Variants in ERLIN1 observed in about 807,000 individuals in gnomAD.
The protein encoded by ERLIN1 is erlin-1.
Under a neutral mutation model 46.9 loss-of-function variants are expected in ERLIN1, and 24 were observed. That is an observed-to-expected ratio of 0.51 (90% CI 0.37 to 0.72). The LOEUF (loss-of-function observed/expected upper bound fraction) is 0.72, where lower values mean the gene tolerates loss of function less well. ERLIN1 is among the 30% of genes least tolerant of loss of function. ERLIN1 has a pLI of 0.00. For synonymous variants in ERLIN1, 158 were observed against 143.2 expected (o/e 1.10, Z -0.74); for missense variants, 293 against 417.9 (o/e 0.70, Z 2.61).
chr10:100,165,467 A>G (rs1265181479), intron 7 of ERLIN1, among the ~76,000 whole-genome samples: 1 of 150,988 alleles, frequency 6.6e-6, no homozygotes, highest in Admixed American at 6.6e-5. Context: ...ACTCACTGCA[A>G]GCTTCGCCTC....
chr10:100,179,366 T>C (rs1316206054), intron 2 of ERLIN1, 119 bp from the exon 3 acceptor site: 1 of 616,566 alleles, frequency 1.6e-6, no homozygotes, highest in Non-Finnish European at 2.9e-6. Flanking sequence ...TCCATCACAA[T>C]TTCAGTTCCC....
At position 100,179,232 on chromosome 10, in the gene ERLIN1, C is replaced by T. The variant is rs1223857004; in HGVS notation, c.211G>A (p.Asp71Asn). 2 of 1,596,118 alleles carry T rather than the reference C, an allele frequency of 1.3e-6. No homozygotes were observed. The stretch of plus-strand genomic sequence containing the variant: ...CCACAAGGCACATTTTTAACTTCAT[C>T]AGTTTGTAGTGTTGTCTAGGGAGGA... Reference protein sequence around the residue: ...FRSVQTTLQTDEVKNVPCGTS... With the variant: ...FRSVQTTLQTNEVKNVPCGTS... Residue 71 changes from aspartate (D) to asparagine (N), a missense_variant, in exon 3 of 11, where the codon GAT (aspartate) becomes AAT (asparagine). This residue lies in a region of ERLIN1 where 148 missense variants were observed against 266.5 expected (regional missense o/e 0.56). Coordinates refer to ENST00000421367, the MANE Select transcript of ERLIN1 (RefSeq NM_006459.4).
At chr10:100,163,022 G>A (rs1319796404) in intron 8 of ERLIN1, among the ~76,000 whole-genome samples, 3 of 151,946 alleles carry the variant, frequency 2.0e-5, no homozygotes, top group African/African-American at 7.2e-5. Context: ...AACTAGGCCC[G>A]CTCATAGAAC....
At chr10:100,179,916 C>A (rs1287331831) in intron 2 of ERLIN1, among the ~76,000 whole-genome samples, 2 of 152,182 alleles carry the variant, frequency 1.3e-5, no homozygotes, top group Non-Finnish European at 2.9e-5. Context: ...AACTTGCACT[C>A]TGAACTTTGA....
intron 7 of ERLIN1, among the ~76,000 whole-genome samples, chr10:100,167,025 C>A (rs1222340036): frequency 6.6e-6 from 1 of 152,196 alleles, no homozygotes; most frequent in African/African-American, 2.4e-5. Context: ...GGCTTCAGGA[C>A]TCTTTCCTCT....
rs138348327 is a variant in ERLIN1, at chr10:100,158,081, A to C, written c.656-1847T>G. Among the ~76,000 whole-genome samples, 10 of 152,284 alleles carry C rather than the reference A, an allele frequency of 6.6e-5. No individual in the cohort carries two copies. In the East Asian group the frequency reaches 1.9e-3, roughly 29 times the overall value. On this transcript the variant is annotated intron_variant, in intron 8 of 10. Transcript: ENST00000421367. ...TCCCTGGGGTGGTTATTAGACAAGA[A>C]GGGAGTGGGACCTGGGTTTTTACCC...
rs1464967316 is a variant in ERLIN1 at position 100,185,997 on chromosome 10, G to C, written c.-371C>G. On this transcript the variant is annotated 5_prime_UTR_variant, in exon 1 of 11. Coordinates refer to ENST00000421367, the MANE Select transcript of ERLIN1 (RefSeq NM_006459.4). ...CGCATCGCCCCCGCCCGCACGTGCA[G>C]CCGACTCCCGCGCCGAGCCAACCGC... 1 of 425,410 alleles carries C rather than the reference G, an allele frequency of 2.4e-6. No individual in the cohort carries two copies. Among genetic ancestry groups the C allele is most frequent in the Non-Finnish European group, 4.1e-6 (1 of 242,514 alleles). The allele number at this position is 425,410 out of a possible 1,614,324, so 26.4% of individuals were successfully genotyped here. A position where few individuals can be genotyped will look rare whatever the true frequency, so the allele number is the denominator to read the frequency against.
intron 6 of ERLIN1, 86 bp from the exon 7 acceptor site, chr10:100,167,492 T>C (rs1843711175): frequency 3.8e-6 from 4 of 1,050,298 alleles, no homozygotes; most frequent in African/African-American, 1.6e-5. Context: ...CCTCAAATGA[T>C]ACTAATCTAA....
Position 100,178,167 on chromosome 10 carries a change from T to A in ERLIN1, c.270A>T (p.Arg90=). 6.3e-7 allele frequency: 1 copy of A among 1,578,510 alleles called. No individual in the cohort carries two copies. The highest frequency in any genetic ancestry group is 1.3e-5 in the African/African-American group (1 of 74,260). The change falls in exon 4 of 11, where the codon CGA becomes CGT. Residue 90 remains arginine (R), a synonymous_variant. Coordinates refer to ENST00000421367, the MANE Select transcript of ERLIN1 (RefSeq NM_006459.4). ...TSGGVMIYID[R]IEVVNMLAPY... ...GAGCCAACATATTAACCACTTCTAT[T>A]CGGTCAATATAGATCATGACCCCAC...
intron 6 of ERLIN1, among the ~76,000 whole-genome samples, chr10:100,170,521 G>A (rs895004978): frequency 3.9e-5 from 6 of 152,180 alleles, no homozygotes; most frequent in Non-Finnish European, 8.8e-5. Context: ...AGAAAATGAA[G>A]TAGACAAAGG....
chr10:100,172,580 C>A (rs12262005), intron 6 of ERLIN1, among the ~76,000 whole-genome samples: 10,943 of 152,176 alleles, frequency 0.072, 688 homozygotes, highest in African/African-American at 0.16. Flanking sequence ...AAAAGATGTT[C>A]AACCTCATTA....
At chr10:100,169,414 G>GA (rs149964161) in intron 6 of ERLIN1, among the ~76,000 whole-genome samples, 26 of 146,774 alleles carry the variant, frequency 1.8e-4, no homozygotes, top group Admixed American at 5.4e-4. Flanking sequence ...AATAACATAG[G>GA]AAAAAAAAAA....
chr10:100,184,546 G>C (rs1160612962), intron 1 of ERLIN1, among the ~76,000 whole-genome samples: 9 of 152,176 alleles, frequency 5.9e-5, no homozygotes, highest in Non-Finnish European at 1.0e-4. Flanking sequence ...TACCGGTCTT[G>C]AAAATATAAA....
chr10:100,176,964 A>G (rs1423896268), intron 4 of ERLIN1, among the ~76,000 whole-genome samples: 1 of 152,130 alleles, frequency 6.6e-6, no homozygotes, highest in Non-Finnish European at 1.5e-5. Flanking sequence ...TCTACTAAAA[A>G]TACAAAAATT....
At chr10:100,160,936 G>A (rs1202091466) in intron 8 of ERLIN1, among the ~76,000 whole-genome samples, 3 of 152,212 alleles carry the variant, frequency 2.0e-5, no homozygotes, top group Admixed American at 2.0e-4. Context: ...GGCAAAGCGA[G>A]ACCCTGTCTC....
chr10:100,151,009 G>T lies in ERLIN1; in HGVS notation c.*1122C>A, dbSNP rs1021039504. The T allele has an allele frequency of 3.3e-5, 5 of 152,468 alleles. No individual in the cohort carries two copies. Among genetic ancestry groups the T allele is most frequent in the Non-Finnish European group, 5.9e-5 (4 of 68,048 alleles). The allele number at this position is 152,468 out of a possible 1,614,324, so 9.4% of individuals were successfully genotyped here. A position where few individuals can be genotyped will look rare whatever the true frequency, so the allele number is the denominator to read the frequency against. ...GGCCAGGTGGGAAGGAGACAATGAT[G>T]ACCAAGGATGCTTTCTAGGTGACTT... is the stretch of plus-strand genomic sequence containing the variant. On this transcript the variant is annotated 3_prime_UTR_variant, in exon 11 of 11. Transcript: ENST00000421367.
chr10:100,153,984 T>C (rs962678296), intron 10 of ERLIN1, among the ~76,000 whole-genome samples: 9 of 152,238 alleles, frequency 5.9e-5, no homozygotes, highest in Non-Finnish European at 8.8e-5. Context: ...ATACGGATTA[T>C]GTTGTTCCTT....
intron 5 of ERLIN1, among the ~76,000 whole-genome samples, chr10:100,175,223 T>C (rs1053015678): frequency 1.9e-4 from 29 of 152,230 alleles, no homozygotes; most frequent in African/African-American, 4.6e-4. Flanking sequence ...GGTTGGCACC[T>C]AGGAACTTGG....
chr10:100,168,444 A>G (rs1843771922), intron 6 of ERLIN1, among the ~76,000 whole-genome samples: 1 of 152,192 alleles, frequency 6.6e-6, no homozygotes, highest in South Asian at 2.1e-4. Context: ...GAAAAAACTC[A>G]CAACACACTG....
Sources: allele counts gnomAD v4.1 joint callset (sites outside exome capture counted in the v4.1 genomes callset), GRCh38; gene constraint gnomAD v4.1.1; regional missense constraint gnomAD v4.1.1; transcripts MANE v1.5; gene names NCBI Gene and HGNC (gene_info 2026-07-23, HGNC 2026-07-21).